The following SGCZ variants were observed in gnomAD, a reference collection of about 807,000 sequenced individuals.
SGCZ encodes the protein sarcoglycan zeta.
Under a neutral mutation model 41.3 loss-of-function variants are expected in SGCZ, and 40 were observed. The ratio of observed to expected loss-of-function variants is 0.97; its 90% CI spans 0.75 to 1.26. The LOEUF is 1.26. Ranked by LOEUF, SGCZ falls within the 50% of genes most tolerant of loss-of-function variation. SGCZ has a pLI of 0.00. For synonymous variants in SGCZ, 206 were observed against 137.5 expected, an observed-to-expected ratio of 1.50 and a Z score of -3.49; for missense variants, 552 against 369.8, an observed-to-expected ratio of 1.49 and a Z score of -4.04.
chr8:15,173,699 G>T (rs921412112), intron 1 of SGCZ, among the ~76,000 whole-genome samples: 1 of 152,098 alleles, frequency 6.6e-6, no homozygotes, highest in Non-Finnish European at 1.5e-5. Flanking sequence ...AGTTGGAATG[G>T]TCATCAGGCA....
At chr8:14,285,292 A>C (rs1800584576) in intron 3 of SGCZ, among the ~76,000 whole-genome samples, 1 of 152,080 alleles carries the variant, frequency 6.6e-6, no homozygotes, top group Non-Finnish European at 1.5e-5. Context: ...AAACATTCCC[A>C]ATTTCTTAAG....
chr8:14,454,863 T>A lies in SGCZ; in HGVS notation c.234+99869A>T, dbSNP rs202101981. ...AAGGTTAAATATACATCTAACATCA[T>A]ACACGACAATAAACTCCAAATGGAT... On this transcript the variant is annotated intron_variant, in intron 2 of 7. Transcript: ENST00000382080. Among the ~76,000 whole-genome samples, 3 of 152,264 alleles carry A rather than the reference T, an allele frequency of 2.0e-5. No individual in the cohort carries two copies. In the East Asian group the frequency reaches 5.8e-4, roughly 29 times the overall value.
chr8:14,241,431 G>A (rs916891961), intron 3 of SGCZ, among the ~76,000 whole-genome samples: 2 of 148,220 alleles, frequency 1.3e-5, no homozygotes, highest in East Asian at 3.9e-4. Context: ...AGCATGATAA[G>A]CTAGTATAAA....
intron 2 of SGCZ, among the ~76,000 whole-genome samples, chr8:14,389,491 T>C (rs1223856916): frequency 2.3e-5 from 3 of 130,272 alleles, no homozygotes; most frequent in South Asian, 2.3e-4. Flanking sequence ...AAAAAAAAAA[T>C]AGGCTAACAA....
chr8:14,776,629 G>A (rs1444526918), intron 1 of SGCZ, among the ~76,000 whole-genome samples: 1 of 151,066 alleles, frequency 6.6e-6, no homozygotes, highest in African/African-American at 2.4e-5. Flanking sequence ...GAGTAGCTGG[G>A]ACTACAGGCG....
intron 4 of SGCZ, among the ~76,000 whole-genome samples, chr8:14,175,313 T>C (rs775139174): frequency 7.2e-5 from 11 of 152,050 alleles, no homozygotes; most frequent in Non-Finnish European, 1.2e-4. Context: ...AAAAAGGAAA[T>C]GAAGACAGCT....
chr8:14,860,106 C>T (rs896723274), intron 1 of SGCZ, among the ~76,000 whole-genome samples: 6 of 152,096 alleles, frequency 3.9e-5, no homozygotes, highest in African/African-American at 1.4e-4. Flanking sequence ...CATAAAGATG[C>T]TCTGTGGCTG....
chr8:14,539,868 A>G (rs1005253946), intron 2 of SGCZ, among the ~76,000 whole-genome samples: 2 of 151,988 alleles, frequency 1.3e-5, no homozygotes. Context: ...GAATGCAGAG[A>G]TGTCAGATAG....
chr8:14,276,143 A>G (rs973692600), intron 3 of SGCZ, among the ~76,000 whole-genome samples: 1 of 152,026 alleles, frequency 6.6e-6, no homozygotes, highest in Admixed American at 6.6e-5. Flanking sequence ...ATTCCTTTAC[A>G]TGTGTATCCT....
chr8:14,127,596 C>T (rs942441482), intron 5 of SGCZ, among the ~76,000 whole-genome samples: 1 of 152,004 alleles, frequency 6.6e-6, no homozygotes, highest in Non-Finnish European at 1.5e-5. Flanking sequence ...GCTGGGACTA[C>T]AGGCACCCAC....
rs148434020 is a variant in SGCZ at position 14,562,639 on chromosome 8, G to A, written c.40-7713C>T. Among the ~76,000 whole-genome samples the A allele has an allele frequency of 1.9e-3, 290 of 152,146 alleles. 2 individuals are homozygous for A. Among genetic ancestry groups the A allele is most frequent in the African/African-American group, 6.7e-3 (280 of 41,500 alleles). On this transcript the variant is annotated intron_variant, in intron 1 of 7. Transcript: ENST00000382080. ...AAGTTTTTATTTGAAGGCCTAATTG[G>A]AGTGGGATAAACAGAAAATTTTAAA...
At chr8:15,000,889 C>G (rs9693225) in intron 1 of SGCZ, among the ~76,000 whole-genome samples, 6,216 of 152,274 alleles carry the variant, frequency 0.041, 402 homozygotes, top group African/African-American at 0.14. Context: ...ATTAAACTTT[C>G]CACCCCTTAA....
At chr8:14,220,301 G>T (rs969247665) in intron 4 of SGCZ, among the ~76,000 whole-genome samples, 4 of 152,192 alleles carry the variant, frequency 2.6e-5, no homozygotes, top group Non-Finnish European at 5.9e-5. Context: ...AAATCATTGT[G>T]GAGTATCAGA....
chr8:14,164,500 C>G (rs1585193250), intron 5 of SGCZ, 80 bp downstream of exon 5: 2 of 1,534,028 alleles, frequency 1.3e-6, no homozygotes, highest in Non-Finnish European at 1.8e-6. Context: ...AGGAATCATC[C>G]ATCTTATTAA....
intron 1 of SGCZ, among the ~76,000 whole-genome samples, chr8:15,185,708 A>C (rs1800312114): frequency 6.6e-6 from 1 of 152,262 alleles, no homozygotes; most frequent in Non-Finnish European, 1.5e-5. Flanking sequence ...TGAAGACTAC[A>C]TGAAGGCATA....
intron 1 of SGCZ, among the ~76,000 whole-genome samples, chr8:14,950,366 C>T (rs1388500637): frequency 6.6e-6 from 1 of 151,620 alleles, no homozygotes; most frequent in Non-Finnish European, 1.5e-5. Flanking sequence ...TTCTTCCTTC[C>T]TCCTTTCCTC....
chr8:15,156,718 C>T (rs547816244), intron 1 of SGCZ, among the ~76,000 whole-genome samples: 13 of 151,990 alleles, frequency 8.6e-5, no homozygotes, highest in African/African-American at 2.2e-4. Flanking sequence ...CCAAGGCAGA[C>T]GGATCACCTG....
chr8:14,428,322 C>T (rs1799847445), intron 2 of SGCZ, among the ~76,000 whole-genome samples: 1 of 151,848 alleles, frequency 6.6e-6, no homozygotes, highest in Non-Finnish European at 1.5e-5. Flanking sequence ...CACTCTAATT[C>T]CAGTAGTAAA....
chr8:15,180,526 C>T (rs939232810), intron 1 of SGCZ, among the ~76,000 whole-genome samples: 1 of 151,826 alleles, frequency 6.6e-6, no homozygotes, highest in Non-Finnish European at 1.5e-5. Flanking sequence ...AAACAATACT[C>T]ATTCTAATCT....
Sources: gnomAD v4.1 joint callset for allele counts (sites outside exome capture counted in the v4.1 genomes callset) on GRCh38, gnomAD v4.1.1 for gene constraint, MANE v1.5 for transcripts, NCBI Gene and HGNC (gene_info 2026-07-23, HGNC 2026-07-21) for gene names.